Variants in PPARGC1A observed in about 807,000 individuals in gnomAD.
PPARGC1A encodes peroxisome proliferator-activated receptor gamma coactivator 1-alpha.
In PPARGC1A, 25 loss-of-function variants were observed where a neutral mutation model predicts 88.7. The ratio of observed to expected loss-of-function variants is 0.28; its 90% CI spans 0.21 to 0.39. PPARGC1A has a LOEUF of 0.39. Ranked by LOEUF, PPARGC1A falls within the 10% of genes least tolerant of loss-of-function variation. The pLI is 1.00. For missense variants in PPARGC1A, 880 were observed against 968.7 expected (o/e 0.91, Z 1.22); for synonymous variants, 363 against 355.6 (o/e 1.02, Z -0.24).
intron 2 of PPARGC1A, among the ~76,000 whole-genome samples, chr4:23,858,485 C>A (rs971720844): frequency 1.3e-5 from 2 of 152,154 alleles, no homozygotes; most frequent in African/African-American, 2.4e-5. Context: ...ACTACAGGGC[C>A]CAGTCTCCTA....
chr4:24,115,342 C>T, the PPARGC1A span, among the ~76,000 whole-genome samples: 1 of 151,946 alleles, frequency 6.6e-6, no homozygotes, highest in East Asian at 1.9e-4. Context: ...AATAAAAGTG[C>T]TTGTGGGGAT....
At chr4:23,822,583 C>CAATTAGTG (rs1024482048) in intron 7 of PPARGC1A, among the ~76,000 whole-genome samples, 1 of 152,076 alleles carries the variant, frequency 6.6e-6, no homozygotes, top group Admixed American at 6.6e-5. Context: ...TTTCTAGGTA[C>CAATTAGTG]AATTAGTGTT....
chr4:24,234,038 G>A, the PPARGC1A span, among the ~76,000 whole-genome samples: 3 of 152,172 alleles, frequency 2.0e-5, no homozygotes, highest in South Asian at 2.1e-4. Flanking sequence ...ATACAATAAC[G>A]CCAGGGAGGA....
chr4:24,321,050 C>A, the PPARGC1A span, among the ~76,000 whole-genome samples: 1 of 152,092 alleles, frequency 6.6e-6, no homozygotes, highest in Non-Finnish European at 1.5e-5. Context: ...GGCCTGACTC[C>A]TCTTCGTGCA....
At chr4:23,909,656 A>G in the PPARGC1A span, among the ~76,000 whole-genome samples, 2 of 151,866 alleles carry the variant, frequency 1.3e-5, no homozygotes, top group Non-Finnish European at 2.9e-5. Flanking sequence ...CATGAGGCCA[A>G]TCTGGAGGCA....
At chr4:24,402,253 C>T in the PPARGC1A span, among the ~76,000 whole-genome samples, 13 of 152,290 alleles carry the variant, frequency 8.5e-5, no homozygotes, top group South Asian at 2.1e-3. Context: ...AGAGATACTC[C>T]TCAGGGTTCT....
At chr4:24,018,937 C>T in the PPARGC1A span, among the ~76,000 whole-genome samples, 30 of 152,300 alleles carry the variant, frequency 2.0e-4, no homozygotes, top group Admixed American at 1.7e-3. Context: ...AATTGTATTT[C>T]CATATACCAG....
At chr4:24,357,685 G>A in the PPARGC1A span, among the ~76,000 whole-genome samples, 2 of 152,186 alleles carry the variant, frequency 1.3e-5, no homozygotes, top group Non-Finnish European at 2.9e-5. Context: ...GAGAGACCCG[G>A]TGGGAGATAA....
the PPARGC1A span, among the ~76,000 whole-genome samples, chr4:23,946,920 A>G: frequency 5.9e-5 from 9 of 152,044 alleles, no homozygotes; most frequent in Admixed American, 4.6e-4. Flanking sequence ...CTCTGGTGTA[A>G]ATATCTCCTT....
At chr4:24,167,920 C>CT in the PPARGC1A span, among the ~76,000 whole-genome samples, 2 of 151,962 alleles carry the variant, frequency 1.3e-5, no homozygotes, top group Non-Finnish European at 2.9e-5. Flanking sequence ...TGCCTGGCTA[C>CT]TTTTTTTATA....
chr4:24,318,299 T>C, the PPARGC1A span, among the ~76,000 whole-genome samples: 1 of 152,282 alleles, frequency 6.6e-6, no homozygotes, highest in East Asian at 1.9e-4. Flanking sequence ...ATCTGTGAAA[T>C]GATGGAATGT....
chr4:24,198,534 T>A, the PPARGC1A span, among the ~76,000 whole-genome samples: 1 of 152,110 alleles, frequency 6.6e-6, no homozygotes, highest in Non-Finnish European at 1.5e-5. Flanking sequence ...GAGACACCTT[T>A]CCTCCAAGTG....
chr4:24,136,738 C>T, the PPARGC1A span, among the ~76,000 whole-genome samples: 4 of 152,096 alleles, frequency 2.6e-5, no homozygotes, highest in Admixed American at 2.0e-4. Flanking sequence ...TGAACTGTGT[C>T]CCCTGAAATC....
chr4:23,830,676 A>G (rs1001323262), intron 3 of PPARGC1A, among the ~76,000 whole-genome samples: 3 of 152,208 alleles, frequency 2.0e-5, no homozygotes, highest in East Asian at 3.8e-4. Flanking sequence ...CAAACACGAT[A>G]TTAGAGTCTG....
At chr4:23,991,483 A>G in the PPARGC1A span, among the ~76,000 whole-genome samples, 1 of 151,996 alleles carries the variant, frequency 6.6e-6, no homozygotes, top group African/African-American at 2.4e-5. Context: ...CTCCACTCTG[A>G]TTGCATCAGG....
chr4:23,792,077 C>T lies in PPARGC1A; in HGVS notation c.*3745G>A, dbSNP rs1312762161. On this transcript the variant is annotated 3_prime_UTR_variant, in exon 13 of 13. Coordinates refer to ENST00000264867, the MANE Select transcript of PPARGC1A (RefSeq NM_013261.5). ...CTCAGTGAGGCTGATGTGTACTGCA[C>T]ATTTAAAAAAAATCACAGGAATTTT... The T allele has an allele frequency of 6.6e-6, 1 of 152,442 alleles. No individual in the cohort carries two copies. The highest frequency in any genetic ancestry group is 1.9e-4 in the East Asian group (1 of 5,186). 9.4% of individuals were successfully genotyped at this position (152,442 alleles called of 1,614,324 possible). A position where few individuals can be genotyped will look rare whatever the true frequency, so the allele number is the denominator to read the frequency against.
the PPARGC1A span, among the ~76,000 whole-genome samples, chr4:24,092,266 T>C: frequency 6.6e-6 from 1 of 152,036 alleles, no homozygotes; most frequent in African/African-American, 2.4e-5. Flanking sequence ...TAAATCAGTA[T>C]ACGAAATGAT....
At chr4:23,812,157 G>C (rs1184762220) in intron 10 of PPARGC1A, among the ~76,000 whole-genome samples, 1 of 151,748 alleles carries the variant, frequency 6.6e-6, no homozygotes, top group African/African-American at 2.4e-5. Flanking sequence ...TGGCCAGGCT[G>C]GTCTCAAACT....
chr4:24,123,916 A>C, the PPARGC1A span, among the ~76,000 whole-genome samples: 56 of 151,634 alleles, frequency 3.7e-4, 1 homozygote, highest in South Asian at 1.9e-3. Flanking sequence ...TTGGCAAAAA[A>C]AAAAAAAAAC....
Sources: gnomAD v4.1 joint callset for allele counts (sites outside exome capture counted in the v4.1 genomes callset) on GRCh38, gnomAD v4.1.1 for gene constraint, MANE v1.5 for transcripts, NCBI Gene and HGNC (gene_info 2026-07-23, HGNC 2026-07-21) for gene names.